The following PTPRT variants were observed in gnomAD, a reference collection of about 807,000 sequenced individuals.
PTPRT encodes the protein protein tyrosine phosphatase receptor type T.
A neutral mutation model predicts 176.8 loss-of-function variants in PTPRT; 56 were observed. That is an observed-to-expected ratio of 0.32 (90% confidence interval 0.26 to 0.40). The LOEUF (loss-of-function observed/expected upper bound fraction) is 0.40. Ranked by LOEUF, PTPRT falls within the 10% of genes least tolerant of loss-of-function variation. PTPRT has a pLI of 1.00. For missense variants in PTPRT, 1,540 were observed against 1,908.2 expected (o/e 0.81, Z 3.60); for synonymous variants, 783 against 739.0 (o/e 1.06, Z -0.96).
chr20:42,816,539 G>A (rs1304019220), intron 2 of PTPRT, among the ~76,000 whole-genome samples: 1 of 152,166 alleles, frequency 6.6e-6, no homozygotes. Flanking sequence ...ACATGTCGAG[G>A]AAGGGAGGTG....
intron 1 of PTPRT, among the ~76,000 whole-genome samples, chr20:43,085,028 C>G (rs1228287093): frequency 1.3e-5 from 2 of 152,144 alleles, no homozygotes; most frequent in African/African-American, 4.8e-5. Context: ...TGATTAGATA[C>G]CAAAGCTTCC....
intron 8 of PTPRT, among the ~76,000 whole-genome samples, chr20:42,459,273 C>A (rs1244578754): frequency 6.6e-6 from 1 of 152,160 alleles, no homozygotes; most frequent in Non-Finnish European, 1.5e-5. Context: ...AGAGATGACA[C>A]AGAGGCAAAC....
intron 12 of PTPRT, among the ~76,000 whole-genome samples, chr20:42,309,607 A>G (rs964644383): frequency 3.3e-5 from 5 of 152,230 alleles, no homozygotes; most frequent in African/African-American, 1.2e-4. Flanking sequence ...TCATTATTCA[A>G]TATCTTTTTC....
At chr20:42,416,550 C>G (rs943166589) in intron 9 of PTPRT, among the ~76,000 whole-genome samples, 1 of 152,206 alleles carries the variant, frequency 6.6e-6, no homozygotes, top group African/African-American at 2.4e-5. Context: ...GACTGGCCTT[C>G]TATTTGCTGC....
chr20:42,629,446 A>G (rs533888702), intron 7 of PTPRT, among the ~76,000 whole-genome samples: 1 of 152,314 alleles, frequency 6.6e-6, no homozygotes, highest in African/African-American at 2.4e-5. Flanking sequence ...GTGAGCCAGA[A>G]GAAAACAGGA....
intron 9 of PTPRT, among the ~76,000 whole-genome samples, chr20:42,356,919 G>A (rs976858332): frequency 6.6e-6 from 1 of 152,050 alleles, no homozygotes; most frequent in African/African-American, 2.4e-5. Context: ...GTCAGCCTGG[G>A]CCCCGTCTTC....
At chr20:42,860,475 A>G (rs1387427840) in intron 2 of PTPRT, among the ~76,000 whole-genome samples, 1 of 152,236 alleles carries the variant, frequency 6.6e-6, no homozygotes, top group African/African-American at 2.4e-5. Context: ...TGCATTCAAT[A>G]TTTTAAATTG....
chr20:43,138,567 C>T (rs1396476673), intron 1 of PTPRT, among the ~76,000 whole-genome samples: 1 of 152,210 alleles, frequency 6.6e-6, no homozygotes, highest in Admixed American at 6.5e-5. Context: ...AGGTGGGCCC[C>T]TCCATAAGTG....
At chr20:42,404,554 C>T (rs998162347) in intron 9 of PTPRT, among the ~76,000 whole-genome samples, 1 of 152,106 alleles carries the variant, frequency 6.6e-6, no homozygotes, top group African/African-American at 2.4e-5. Context: ...AGGCCAGATT[C>T]ATCAAATTCA....
chr20:42,640,493 A>G (rs1345480515), intron 7 of PTPRT, among the ~76,000 whole-genome samples: 9 of 152,072 alleles, frequency 5.9e-5, no homozygotes. Context: ...GATTCAAGTG[A>G]TTCTCGTGCC....
intron 1 of PTPRT, among the ~76,000 whole-genome samples, chr20:42,982,780 T>TGCCATTGCC (rs1983353857): frequency 6.6e-6 from 1 of 152,122 alleles, no homozygotes; most frequent in African/African-American, 2.4e-5. Flanking sequence ...CCTCCTGAGG[T>TGCCATTGCC]TCAGCTCCAG....
At chr20:42,757,226 G>A (rs755760250) in intron 5 of PTPRT, among the ~76,000 whole-genome samples, 5 of 152,192 alleles carry the variant, frequency 3.3e-5, no homozygotes, top group Admixed American at 1.3e-4. Context: ...ATTTGGGGCT[G>A]GCATGTAGCC....
chr20:43,131,965 A>C (rs1228860183), intron 1 of PTPRT, among the ~76,000 whole-genome samples: 1 of 152,126 alleles, frequency 6.6e-6, no homozygotes, highest in Non-Finnish European at 1.5e-5. Flanking sequence ...GAAAAAAAAC[A>C]CATCTTGATA....
intron 2 of PTPRT, among the ~76,000 whole-genome samples, chr20:42,838,260 CA>C (rs1466615092): frequency 6.6e-6 from 1 of 152,172 alleles, no homozygotes; most frequent in Non-Finnish European, 1.5e-5. Flanking sequence ...TCATGTGATC[CA>C]TCCGCCTCAG....
intron 13 of PTPRT, among the ~76,000 whole-genome samples, chr20:42,280,374 T>G (rs2057119366): frequency 6.6e-6 from 1 of 152,140 alleles, no homozygotes; most frequent in South Asian, 2.1e-4. Flanking sequence ...CGACTGACAT[T>G]CTGCACTATC....
chr20:42,920,727 T>C (rs762043248), intron 1 of PTPRT, among the ~76,000 whole-genome samples: 1 of 152,142 alleles, frequency 6.6e-6, no homozygotes, highest in Non-Finnish European at 1.5e-5. Flanking sequence ...CTTTCACATT[T>C]GTGAAAGAAG....
chr20:42,962,112 T>G (rs1982017576), intron 1 of PTPRT, among the ~76,000 whole-genome samples: 1 of 152,222 alleles, frequency 6.6e-6, no homozygotes. Flanking sequence ...TAAATTTGTG[T>G]TAACTTGTTA....
intron 8 of PTPRT, among the ~76,000 whole-genome samples, chr20:42,452,442 T>G (rs1049249446): frequency 6.6e-6 from 1 of 152,032 alleles, no homozygotes; most frequent in Admixed American, 6.6e-5. Flanking sequence ...TACGGAGGAA[T>G]TGAAGTGTCC....
chr20:42,717,429 G>A (rs538260518), intron 6 of PTPRT, among the ~76,000 whole-genome samples: 110 of 152,182 alleles, frequency 7.2e-4, no homozygotes, highest in Non-Finnish European at 1.3e-3. Context: ...TTTTTAACAA[G>A]AGTCCTGGGT....
Sources: gnomAD v4.1 joint callset for allele counts (sites outside exome capture counted in the v4.1 genomes callset) on GRCh38, gnomAD v4.1.1 for gene constraint, MANE v1.5 for transcripts, NCBI Gene and HGNC (gene_info 2026-07-23, HGNC 2026-07-21) for gene names.